Variants in L1TD1 observed in about 807,000 individuals in gnomAD.
The protein encoded by L1TD1 is LINE-1 type transposase domain-containing protein 1.
L1TD1 carries 26 observed loss-of-function variants against 25.7 expected under a neutral mutation model. The ratio of observed to expected loss-of-function variants is 1.01; its 90% CI spans 0.74 to 1.40. L1TD1 has a LOEUF of 1.40. Among genes scored for constraint, L1TD1 ranks in the 40% most tolerant of loss-of-function variants. The pLI, the probability that L1TD1 is intolerant of heterozygous loss-of-function variation, is 0.00. For synonymous variants in L1TD1, 421 were observed against 335.6 expected (o/e 1.25, Z -2.78); for missense variants, 1,130 against 975.0 (o/e 1.16, Z -2.12).
rs536524142 is a variant in L1TD1, at chr1:62,209,848, A to G, written c.1074A>G (p.Leu358=). ...GEITSDGLSF[L]FLKEVKVAKP... The stretch of plus-strand genomic sequence containing the variant: ...TAACCAGTGATGGCTTGAGCTTCCT[A>G]TTTCTTAAAGAAGTAAAAGTTGCTA... Residue 358 remains leucine, a synonymous_variant, in exon 4 of 4, where the codon CTA becomes CTG. Transcript: ENST00000498273. The G allele has an allele frequency of 1.1e-5, 17 of 1,613,886 alleles. No individual in the cohort carries two copies. In the East Asian group the frequency reaches 2.5e-4, roughly 23 times the overall value.
chr1:62,197,900 CAAAA>C (rs1670573923), intron 2 of L1TD1, among the ~76,000 whole-genome samples: 1 of 151,832 alleles, frequency 6.6e-6, no homozygotes, highest in East Asian at 1.9e-4. Flanking sequence ...CAAAACAAAA[CAAAA>C]CAAAACCCTG....
chr1:62,199,754 T>C (rs749536687), intron 2 of L1TD1, among the ~76,000 whole-genome samples: 1 of 152,056 alleles, frequency 6.6e-6, no homozygotes, highest in Admixed American at 6.6e-5. Context: ...GGAAAACACA[T>C]TACCCAAAAA....
chr1:62,207,580 C>A lies in L1TD1; in HGVS notation c.952C>A (p.Pro318Thr). The A allele has an allele frequency of 6.5e-7, 1 of 1,545,648 alleles. No individual in the cohort carries two copies. The highest frequency in any genetic ancestry group is 8.7e-7 in the Non-Finnish European group (1 of 1,145,388). The change falls in exon 3 of 4, where the codon CCA becomes ACA. Residue 318 changes from proline (P) to threonine (T), a missense_variant. By Grantham distance (38) the Pro-to-Thr change is conservative. Transcript: ENST00000498273. ...SVKELLKDVL[P>T]QKEEINQGGR... ...GAAAGAATTACTGAAAGATGTACTC[C>A]CACAAAAGGAAGAAATAAATCAAGG...
At chr1:62,195,445 G>C (rs915014759) in intron 1 of L1TD1, among the ~76,000 whole-genome samples, 1 of 152,266 alleles carries the variant, frequency 6.6e-6, no homozygotes, top group African/African-American at 2.4e-5. Flanking sequence ...TGCTTGACAA[G>C]TCCTAGCTTT....
At position 62,211,077 on chromosome 1, in the gene L1TD1, G is replaced by C. The variant is rs1310090335; in HGVS notation, c.2303G>C (p.Ser768Thr). The C allele has an allele frequency of 4.5e-6, 7 of 1,550,586 alleles. No homozygotes were observed. The East Asian group carries it at 7.3e-5, about 16-fold the overall frequency. The part of the protein sequence containing the change: ...RHILVKFWNS[S>T]DKEKIIRASR... Reference sequence around the variant, plus strand: ...ATCTTGGTGAAATTTTGGAATTCTAGTGATAAAGAGAAAATAATAAGGGCT... The same window carrying C: ...ATCTTGGTGAAATTTTGGAATTCTACTGATAAAGAGAAAATAATAAGGGCT... Residue 768 changes from serine (S) to threonine (T), a missense_variant, in exon 4 of 4, where the codon AGT becomes ACT. Coordinates refer to ENST00000498273, the MANE Select transcript of L1TD1 (RefSeq NM_019079.5).
chr1:62,210,219 A>C lies in L1TD1; in HGVS notation c.1445A>C (p.Glu482Ala). ...GAGGATTCTGAATCAGAGGAGGAAG[A>C]AGAAGGAAAGAGCTCTGAAACAGGA... ...SVEDSESEEE[E>A]EGKSSETGKV... Residue 482 changes from glutamate (E) to alanine (A), a missense_variant, in exon 4 of 4, where the codon GAA becomes GCA. By Grantham distance (107) the Glu-to-Ala change is moderately radical. Transcript: ENST00000498273. 6.2e-7 allele frequency: 1 copy of C among 1,614,002 alleles called. No individual in the cohort carries two copies. Among genetic ancestry groups the C allele is most frequent in the Non-Finnish European group, 8.5e-7 (1 of 1,179,970 alleles).
At chr1:62,197,780 G>T (rs1023276171) in intron 2 of L1TD1, among the ~76,000 whole-genome samples, 2 of 152,060 alleles carry the variant, frequency 1.3e-5, no homozygotes, top group Non-Finnish European at 2.9e-5. Context: ...GGAGGCTGAG[G>T]CAGGAGAATC....
chr1:62,209,760 TTTC>T lies in L1TD1; in HGVS notation c.1009-17_1009-15del, dbSNP rs1670820023. On this transcript the variant is annotated intron_variant, in intron 3 of 3. Coordinates refer to ENST00000498273, the MANE Select transcript of L1TD1 (RefSeq NM_019079.5). ...ATGATTTAAACAAATAACTCTTTTTTTTCTTCTTTGTTTAACTTTCAGGATAAA... is the reference window on the plus strand; with the variant it reads ...ATGATTTAAACAAATAACTCTTTTTTTTCTTTGTTTAACTTTCAGGATAAA... 6.9e-7 allele frequency: 1 copy of T among 1,440,014 alleles called. No homozygotes were observed. Among genetic ancestry groups the T allele is most frequent in the South Asian group, 1.4e-5 (1 of 70,132 alleles). 89.2% of individuals were successfully genotyped at this position (1,440,014 alleles called of 1,614,324 possible). A position where few individuals can be genotyped will look rare whatever the true frequency, so the allele number is the denominator to read the frequency against.
chr1:62,197,660 C>G (rs1393417526), intron 2 of L1TD1, among the ~76,000 whole-genome samples: 2 of 151,866 alleles, frequency 1.3e-5, no homozygotes, highest in African/African-American at 4.8e-5. Flanking sequence ...GGGCGGATCA[C>G]CTGAGGTCTG....
At chr1:62,203,837 G>A (rs777176907) in intron 2 of L1TD1, among the ~76,000 whole-genome samples, 18 of 151,968 alleles carry the variant, frequency 1.2e-4, no homozygotes, top group Non-Finnish European at 2.2e-4. Flanking sequence ...CACCTGCCTC[G>A]GCCTCCCAGA....
At chr1:62,195,436 G>A (rs757737997) in intron 1 of L1TD1, among the ~76,000 whole-genome samples, 1 of 152,258 alleles carries the variant, frequency 6.6e-6, no homozygotes, top group Non-Finnish European at 1.5e-5. Flanking sequence ...ATGAGGTGGT[G>A]CTTGACAAGT....
At position 62,207,361 on chromosome 1, in the gene L1TD1, C is replaced by G; in HGVS notation, c.733C>G (p.Leu245Val). 1 of 1,551,578 alleles carries G rather than the reference C, an allele frequency of 6.4e-7. No homozygotes were observed. The highest frequency in any genetic ancestry group is 8.7e-7 in the Non-Finnish European group (1 of 1,146,942). The part of the protein sequence containing the change: ...VLMDEGAVLT[L>V]VADLSSATLD... ...GATGGATGAAGGAGCAGTACTTACC[C>G]TGGTAGCCGACCTTTCATCAGCAAC... The change falls in exon 3 of 4, where the codon CTG (leucine) becomes GTG (valine). Residue 245 changes from leucine (L) to valine (V), a missense_variant. Physicochemically the swap from Leu to Val is conservative, Grantham distance 32. Transcript: ENST00000498273.
intron 2 of L1TD1, among the ~76,000 whole-genome samples, chr1:62,205,443 A>ATTTTTTTTTTTTTTTTTTTTTTT (rs1261055805): frequency 2.0e-4 from 13 of 63,648 alleles, no homozygotes; most frequent in East Asian, 4.1e-4. Context: ...ATATATATAT[A>ATTTTTTTTTTTTTTTTTTTTTTT]TTTTTTTTTA....
In L1TD1 at chr1:62,207,132, C is replaced by T. The variant is rs778408354; in HGVS notation, c.504C>T (p.Tyr168=). Residue 168 remains tyrosine, a synonymous_variant, in exon 3 of 4, where the codon TAC becomes TAT. Coordinates refer to ENST00000498273, the MANE Select transcript of L1TD1 (RefSeq NM_019079.5). The stretch of plus-strand genomic sequence containing the variant: ...TACCCCAGGGTGAATCACGAAGTTA[C>T]GAAGTCATGGGAAGTATGGAAGAAA... ...KKLPQGESRS[Y]EVMGSMEETL... The T allele has an allele frequency of 3.6e-5, 57 of 1,586,018 alleles. No individual in the cohort carries two copies. The highest frequency in any genetic ancestry group is 2.2e-4 in the Admixed American group (12 of 54,528).
chr1:62,195,417 G>A (rs1670515253), intron 1 of L1TD1, among the ~76,000 whole-genome samples: 1 of 152,242 alleles, frequency 6.6e-6, no homozygotes, highest in Non-Finnish European at 1.5e-5. Flanking sequence ...AAAAAATAAA[G>A]TCAAGAAAAT....
intron 2 of L1TD1, among the ~76,000 whole-genome samples, chr1:62,203,854 G>C (rs1395269426): frequency 2.0e-4 from 30 of 152,128 alleles, no homozygotes. Context: ...CAGAGTGTTG[G>C]GATTACAGGT....
In L1TD1 at chr1:62,210,734, A is replaced by G. The variant is rs1670850408; in HGVS notation, c.1960A>G (p.Ser654Gly). Residue 654 changes from serine (S) to glycine (G), a missense_variant, in exon 4 of 4, where the codon AGC becomes GGC. Coordinates refer to ENST00000498273, the MANE Select transcript of L1TD1 (RefSeq NM_019079.5). ...EIENSVDDLSSRMDILEERID... is the reference protein window; with the variant it reads ...EIENSVDDLSGRMDILEERID... ...TGAAAATTCAGTAGATGATCTGAGT[A>G]GCAGAATGGACATACTTGAAGAAAG... 6.4e-7 allele frequency: 1 copy of G among 1,551,736 alleles called. No individual in the cohort carries two copies. The highest frequency in any genetic ancestry group is 8.7e-7 in the Non-Finnish European group (1 of 1,147,002).
intron 2 of L1TD1, among the ~76,000 whole-genome samples, chr1:62,205,792 C>T (rs1670733921): frequency 6.6e-6 from 1 of 151,898 alleles, no homozygotes; most frequent in South Asian, 2.1e-4. Flanking sequence ...AGTGCAGGGG[C>T]ACAATCACAG....
At chr1:62,200,493 T>C (rs1240288088) in intron 2 of L1TD1, among the ~76,000 whole-genome samples, 1 of 151,962 alleles carries the variant, frequency 6.6e-6, no homozygotes, top group Non-Finnish European at 1.5e-5. Flanking sequence ...ATAATGTATA[T>C]TTTATAAATT....
Sources: gnomAD v4.1 joint callset for allele counts (sites outside exome capture counted in the v4.1 genomes callset) on GRCh38, gnomAD v4.1.1 for gene constraint, MANE v1.5 for transcripts, NCBI Gene and HGNC (gene_info 2026-07-23, HGNC 2026-07-21) for gene names.